SMAP1: variants seen among roughly 807,000 people sequenced by gnomAD.
The protein encoded by SMAP1 is small ArfGAP 1, also known as stromal membrane-associated protein 1.
SMAP1 carries 24 observed loss-of-function variants against 58.5 expected under a neutral mutation model. That is an observed-to-expected ratio of 0.41 (90% CI 0.30 to 0.58). The LOEUF is 0.58. Ranked by LOEUF, SMAP1 falls within the 20% of genes least tolerant of loss-of-function variation. The pLI is 0.29. For synonymous variants in SMAP1, 216 were observed against 196.6 expected, an observed-to-expected ratio of 1.10 and a Z score of -0.82; for missense variants, 563 against 566.3, an observed-to-expected ratio of 0.99 and a Z score of 0.06.
At chr6:70,691,690 A>C (rs1767175242) in intron 1 of SMAP1, among the ~76,000 whole-genome samples, 1 of 152,172 alleles carries the variant, frequency 6.6e-6, no homozygotes, top group Admixed American at 6.5e-5. Flanking sequence ...TAGCTCCTAT[A>C]AAAGAGTGAG....
intron 7 of SMAP1, chr6:70,837,916 C>G (rs1255885504): frequency 3.4e-6 from 4 of 1,164,738 alleles, no homozygotes; most frequent in African/African-American, 1.6e-5. Context: ...AGAATTATAG[C>G]TGAATGTTTT....
intron 3 of SMAP1, among the ~76,000 whole-genome samples, chr6:70,762,314 C>T (rs987677577): frequency 3.3e-5 from 5 of 151,976 alleles, no homozygotes; most frequent in African/African-American, 9.7e-5. Flanking sequence ...GTTCTGTGGT[C>T]GCTTTGGAGA....
At chr6:70,788,976 A>C (rs1360265633) in intron 4 of SMAP1, among the ~76,000 whole-genome samples, 1 of 152,174 alleles carries the variant, frequency 6.6e-6, no homozygotes, top group Admixed American at 6.5e-5. Flanking sequence ...ATTTCCTACT[A>C]GAGATTTAGA....
intron 8 of SMAP1, chr6:70,856,636 C>T: frequency 2.8e-6 from 1 of 359,990 alleles, no homozygotes; most frequent in Non-Finnish European, 4.9e-6. Context: ...GAAAATGCTT[C>T]AGTCTACCTA....
chr6:70,731,017 C>G (rs910164764), intron 1 of SMAP1, among the ~76,000 whole-genome samples: 2 of 152,190 alleles, frequency 1.3e-5, no homozygotes, highest in Non-Finnish European at 2.9e-5. Flanking sequence ...CCAGGCTGTT[C>G]TCAAACTCCT....
chr6:70,829,435 T>C (rs1770271139), intron 6 of SMAP1, among the ~76,000 whole-genome samples: 1 of 152,152 alleles, frequency 6.6e-6, no homozygotes, highest in Non-Finnish European at 1.5e-5. Flanking sequence ...AGTTTTCTGT[T>C]ATGTCATTGT....
chr6:70,681,239 C>T (rs1444702966), intron 1 of SMAP1, among the ~76,000 whole-genome samples: 1 of 151,644 alleles, frequency 6.6e-6, no homozygotes, highest in Non-Finnish European at 1.5e-5. Flanking sequence ...GGCAAAATGA[C>T]GAAACTCTGT....
In SMAP1 at chr6:70,812,973, G is replaced by A. The variant is rs1411727708; in HGVS notation, c.576+14236G>A. Among the ~76,000 whole-genome samples the A allele has an allele frequency of 2.0e-5, 3 of 151,308 alleles. No individual in the cohort carries two copies. In the East Asian group the frequency reaches 5.8e-4, roughly 29 times the overall value. ...CAGCCTCATTTCTTTTTTTTTAGCA[G>A]TTTTCCCTTATTATAAAAACTGTGG... On this transcript the variant is annotated intron_variant, in intron 6 of 10. Transcript: ENST00000370455.
intron 2 of SMAP1, among the ~76,000 whole-genome samples, chr6:70,740,491 C>G (rs1765771278): frequency 6.6e-6 from 1 of 151,690 alleles, no homozygotes; most frequent in Non-Finnish European, 1.5e-5. Context: ...AAAAAAAAAC[C>G]CAAGGCCATT....
intron 2 of SMAP1, chr6:70,735,068 TTC>T (rs1765570461): frequency 6.6e-6 from 1 of 152,476 alleles, no homozygotes; most frequent in African/African-American, 2.4e-5. Flanking sequence ...GGCAGAGTAA[TTC>T]TGTTAGACCT....
intron 5 of SMAP1, among the ~76,000 whole-genome samples, chr6:70,793,865 G>A (rs1442315175): frequency 6.6e-6 from 1 of 152,044 alleles, no homozygotes; most frequent in Non-Finnish European, 1.5e-5. Flanking sequence ...CTCCCGAGTA[G>A]CTGGGTTTAC....
At chr6:70,859,769 C>T (rs1771622430) in intron 10 of SMAP1, 1 of 175,912 alleles carries the variant, frequency 5.7e-6, no homozygotes, top group Non-Finnish European at 1.2e-5. Flanking sequence ...TGCTTTATGA[C>T]CACTTTAAAA....
At chr6:70,799,906 GT>G (rs1172816259) in intron 6 of SMAP1, among the ~76,000 whole-genome samples, 1 of 152,100 alleles carries the variant, frequency 6.6e-6, no homozygotes, top group Admixed American at 6.6e-5. Context: ...CACATTCTAT[GT>G]AACACATAGT....
intron 3 of SMAP1, among the ~76,000 whole-genome samples, chr6:70,760,603 C>T (rs1258942009): frequency 6.6e-6 from 1 of 151,964 alleles, no homozygotes; most frequent in Non-Finnish European, 1.5e-5. Flanking sequence ...AACCGGCTTG[C>T]CTTTCTCTCT....
intron 1 of SMAP1, among the ~76,000 whole-genome samples, chr6:70,677,149 G>GT (rs1050323645): frequency 1.5e-5 from 2 of 134,114 alleles, no homozygotes; most frequent in Admixed American, 1.5e-4. Flanking sequence ...GTTTTTCTTT[G>GT]TTTTTTGTTT....
intron 1 of SMAP1, among the ~76,000 whole-genome samples, chr6:70,725,656 A>G (rs1272206554): frequency 1.3e-5 from 2 of 152,182 alleles, no homozygotes; most frequent in African/African-American, 4.8e-5. Flanking sequence ...ATCCACTACT[A>G]TGATGCTGCC....
intron 7 of SMAP1, among the ~76,000 whole-genome samples, chr6:70,841,947 T>C (rs1770822443): frequency 6.6e-6 from 1 of 152,198 alleles, no homozygotes; most frequent in African/African-American, 2.4e-5. Flanking sequence ...TCAAAGTCCA[T>C]GTGCTATATA....
intron 1 of SMAP1, among the ~76,000 whole-genome samples, chr6:70,724,473 G>A (rs1768677552): frequency 6.6e-6 from 1 of 152,216 alleles, no homozygotes; most frequent in Admixed American, 6.5e-5. Flanking sequence ...TGGGATTACA[G>A]GCGTGAGCCA....
At chr6:70,729,619 C>T (rs1033967607) in intron 1 of SMAP1, among the ~76,000 whole-genome samples, 4 of 152,180 alleles carry the variant, frequency 2.6e-5, no homozygotes, top group Admixed American at 2.0e-4. Flanking sequence ...TCTGACTCCA[C>T]GAGGACCCTC....
Sources: gnomAD v4.1 joint callset for allele counts (sites outside exome capture counted in the v4.1 genomes callset) on GRCh38, gnomAD v4.1.1 for gene constraint, MANE v1.5 for transcripts, NCBI Gene and HGNC (gene_info 2026-07-23, HGNC 2026-07-21) for gene names.